Variants in ZNF589 observed in about 807,000 individuals in gnomAD.
The protein encoded by ZNF589 is zinc finger protein 589.
Under a neutral mutation model 13.6 loss-of-function variants are expected in ZNF589, and 17 were observed. The ratio of observed to expected loss-of-function variants is 1.25; its 90% CI spans 0.86 to 1.88. The LOEUF is 1.88. Among genes scored for constraint, ZNF589 ranks in the 40% most tolerant of loss-of-function variants. The probability of loss-of-function intolerance (pLI) is 0.00; values close to 1 mark genes in which losing one functional copy is unlikely to be tolerated. For synonymous variants in ZNF589, 148 were observed against 161.6 expected, an observed-to-expected ratio of 0.92 and a Z score of 0.64; for missense variants, 407 against 434.0, an observed-to-expected ratio of 0.94 and a Z score of 0.55.
intron 2 of ZNF589, among the ~76,000 whole-genome samples, chr3:48,250,875 A>T (rs911358426): frequency 6.6e-6 from 1 of 151,804 alleles, no homozygotes; most frequent in Non-Finnish European, 1.5e-5. Context: ...TAAAATTTTG[A>T]TGATGTTTGT....
Position 48,261,719 on chromosome 3 carries a change from C to G in ZNF589, c.223+780C>G, listed in dbSNP as rs188525767. ...CATCTTTCTCAAGGTTTGTCTTCAT[C>G]TGGCATAGCTATGAATTACATAGTT... On this transcript the variant is annotated intron_variant, in intron 3 of 3. Transcript: ENST00000354698. 2.6e-5 allele frequency among the ~76,000 whole-genome samples: 4 copies of G among 152,356 alleles called. No individual in the cohort carries two copies. The East Asian group carries it at 5.8e-4, about 22-fold the overall frequency.
chr3:48,254,664 A>T (rs1376488093), intron 2 of ZNF589, among the ~76,000 whole-genome samples: 3 of 152,164 alleles, frequency 2.0e-5, no homozygotes, highest in Admixed American at 2.0e-4. Context: ...AGTTTTTCAC[A>T]TGTAGACTAT....
chr3:48,267,917 GA>G lies in ZNF589; in HGVS notation c.228del (p.Glu76AspfsTer89). 6.2e-7 allele frequency: 1 copy of G among 1,603,268 alleles called. No individual in the cohort carries two copies. The highest frequency in any genetic ancestry group is 8.5e-7 in the Non-Finnish European group (1 of 1,177,042). On this transcript the variant is annotated frameshift_variant, in exon 4 of 4. Transcript: ENST00000354698. LOFTEE classifies it low-confidence loss of function (END_TRUNC). ...ENLRNLVSLA[E>X]SKPEVHTCPS... ...GACTGGAAACTTTCTTTCTTCAGCA[GA>G]ATCAAAGCCAGAAGTCCATACCTGC...
rs924684536 is a variant in ZNF589 at position 48,268,696 on chromosome 3, AGT to A, written c.1011_1012del (p.Cys337TrpfsTer6). The A allele has an allele frequency of 1.2e-6, 2 of 1,612,966 alleles. No individual in the cohort carries two copies. The highest frequency in any genetic ancestry group is 2.7e-5 in the African/African-American group (2 of 74,600). On this transcript the variant is annotated frameshift_variant, in exon 4 of 4. Transcript: ENST00000354698. LOFTEE classifies it low-confidence loss of function (END_TRUNC). ...HTREKSFMCTVCGRGFREKSE... is the reference protein window; with the variant it reads ...HTREKSFMCTXCGRGFREKSE... ...CAAGGGAGAAATCGTTTATGTGCAC[AGT>A]GTGTGGGCGAGGCTTTCGTGAAAAG...
rs760276637 is a variant in ZNF589 at position 48,268,515 on chromosome 3, C to T, written c.824C>T (p.Pro275Leu). Reference sequence around the variant, plus strand: ...CAGAGGACACACACAGGAGAAAAGCCTTATGTCTGCGGAGAGTGTGGGCGA... The same window carrying T: ...CAGAGGACACACACAGGAGAAAAGCTTTATGTCTGCGGAGAGTGTGGGCGA... ...IHQRTHTGEK[P>L]YVCGECGRGF... Residue 275 changes from proline to leucine, a missense_variant, in exon 4 of 4, where the codon CCT becomes CTT. Coordinates refer to ENST00000354698, the MANE Select transcript of ZNF589 (RefSeq NM_016089.3). 6.4e-5 allele frequency: 104 copies of T among 1,613,892 alleles called. No individual in the cohort carries two copies. The Admixed American group carries it at 6.7e-4, about 10-fold the overall frequency.
chr3:48,257,200 T>C (rs1661217256), intron 2 of ZNF589, among the ~76,000 whole-genome samples: 1 of 152,172 alleles, frequency 6.6e-6, no homozygotes, highest in Non-Finnish European at 1.5e-5. Context: ...CTCTGCTTTG[T>C]GTTCTGGAAG....
At chr3:48,245,257 G>C (rs1428406810) in intron 1 of ZNF589, among the ~76,000 whole-genome samples, 1 of 152,134 alleles carries the variant, frequency 6.6e-6, no homozygotes, top group Non-Finnish European at 1.5e-5. Context: ...TGGGGCTACA[G>C]GTGTACACCA....
intron 1 of ZNF589, among the ~76,000 whole-genome samples, chr3:48,244,056 T>A (rs1393492252): frequency 6.6e-6 from 1 of 152,126 alleles, no homozygotes; most frequent in Admixed American, 6.6e-5. Flanking sequence ...GGTCTCATGC[T>A]GGGGAGAGGC....
intron 1 of ZNF589, among the ~76,000 whole-genome samples, chr3:48,243,722 G>A (rs1380903292): frequency 6.6e-6 from 1 of 151,664 alleles, no homozygotes; most frequent in Non-Finnish European, 1.5e-5. Context: ...GAGGCAGGAG[G>A]TGGAGGTTGC....
intron 1 of ZNF589, 95 bp from the exon 2 acceptor site, chr3:48,247,530 C>T (rs1206227760): frequency 7.1e-7 from 1 of 1,409,338 alleles, no homozygotes; most frequent in Non-Finnish European, 9.9e-7. Context: ...TGAGAAGGCT[C>T]AGGTGGCCAC....
intron 3 of ZNF589, 107 bp downstream of exon 3, chr3:48,261,046 A>G: frequency 8.0e-7 from 1 of 1,256,032 alleles, no homozygotes; most frequent in Non-Finnish European, 1.1e-6. Flanking sequence ...TGAATAGAAT[A>G]ATAAAGCATT....
chr3:48,269,187 CT>C lies in ZNF589; in HGVS notation c.*403del. On this transcript the variant is annotated 3_prime_UTR_variant, in exon 4 of 4. Coordinates refer to ENST00000354698, the MANE Select transcript of ZNF589 (RefSeq NM_016089.3). ...CAGAGGATACACTCTGGGGAGAAGCCTTATGCATGCACGGAGTGTGGGCAAG... is the reference window on the plus strand; with the variant it reads ...CAGAGGATACACTCTGGGGAGAAGCCTATGCATGCACGGAGTGTGGGCAAG... 8.7e-7 allele frequency: 1 copy of C among 1,151,384 alleles called. No individual in the cohort carries two copies. The highest frequency in any genetic ancestry group is 2.0e-5 in the Admixed American group (1 of 50,106). 71.3% of individuals were successfully genotyped at this position (1,151,384 alleles called of 1,614,324 possible).
At position 48,270,166 on chromosome 3, in the gene ZNF589, C is replaced by T; in HGVS notation, c.*1380C>T. 2.2e-6 allele frequency: 1 copy of T among 457,108 alleles called. No homozygotes were observed. The highest frequency in any genetic ancestry group is 4.4e-6 in the Non-Finnish European group (1 of 227,042). The allele number at this position is 457,108 out of a possible 1,614,324, so 28.3% of individuals were successfully genotyped here. ...ACATCTCTAGCCTTTGCTGTTTCCT[C>T]TCCTACCCCACCTTTAGATTTTACT... On this transcript the variant is annotated 3_prime_UTR_variant, in exon 4 of 4. Transcript: ENST00000354698.
intron 3 of ZNF589, among the ~76,000 whole-genome samples, chr3:48,263,628 G>A (rs552944705): frequency 2.0e-5 from 3 of 152,092 alleles, no homozygotes; most frequent in Non-Finnish European, 4.4e-5. Context: ...GCATGGTGAT[G>A]TGCACCTGTA....
At chr3:48,241,449 C>T (rs2033697916) in intron 1 of ZNF589, among the ~76,000 whole-genome samples, 1 of 152,248 alleles carries the variant, frequency 6.6e-6, no homozygotes, top group Non-Finnish European at 1.5e-5. Flanking sequence ...CTTGTGCACT[C>T]CGGCAGTCAT....
At chr3:48,249,745 TC>T (rs760877287) in intron 2 of ZNF589, among the ~76,000 whole-genome samples, 6 of 152,242 alleles carry the variant, frequency 3.9e-5, no homozygotes, top group Non-Finnish European at 7.3e-5. Context: ...AATGATCAAA[TC>T]GGGGTAATTA....
Position 48,269,998 on chromosome 3 carries a change from AAGATGACAG to A in ZNF589, c.*1217_*1225del, listed in dbSNP as rs1269000733. 2.2e-6 allele frequency: 1 copy of A among 456,898 alleles called. No individual in the cohort carries two copies. The highest frequency in any genetic ancestry group is 4.4e-6 in the Non-Finnish European group (1 of 226,968). 28.3% of individuals were successfully genotyped at this position (456,898 alleles called of 1,614,324 possible). On this transcript the variant is annotated 3_prime_UTR_variant, in exon 4 of 4. Coordinates refer to ENST00000354698, the MANE Select transcript of ZNF589 (RefSeq NM_016089.3). ...GACCCCTTACATTCCTTTAGATGTG[AAGATGACAG>A]AGATCTAACTTCTGAGAGCAGAGGT...
At chr3:48,260,322 T>C (rs975692942) in intron 2 of ZNF589, among the ~76,000 whole-genome samples, 8 of 152,152 alleles carry the variant, frequency 5.3e-5, no homozygotes, top group African/African-American at 1.9e-4. Context: ...TTATTTTTCA[T>C]AGAGACAGGG....
At chr3:48,246,325 A>C (rs2033765374) in intron 1 of ZNF589, among the ~76,000 whole-genome samples, 1 of 152,132 alleles carries the variant, frequency 6.6e-6, no homozygotes, top group Non-Finnish European at 1.5e-5. Flanking sequence ...TCAATCAATC[A>C]GTTCCACAAT....
Sources: allele counts gnomAD v4.1 joint callset (sites outside exome capture counted in the v4.1 genomes callset), GRCh38; gene constraint gnomAD v4.1.1; transcripts MANE v1.5; gene names NCBI Gene and HGNC (gene_info 2026-07-23, HGNC 2026-07-21).